Variants in BRINP3 observed in about 807,000 individuals in gnomAD.
BRINP3 encodes the protein BMP/retinoic acid inducible neural specific 3.
Under a neutral mutation model 71.0 loss-of-function variants are expected in BRINP3, and 19 were observed. That is an observed-to-expected ratio of 0.27 (90% CI 0.19 to 0.39). BRINP3 has a LOEUF of 0.39. Ranked by LOEUF, BRINP3 falls within the 10% of genes least tolerant of loss-of-function variation. BRINP3 has a pLI of 1.00. For synonymous variants in BRINP3, 380 were observed against 337.7 expected, an observed-to-expected ratio of 1.13 and a Z score of -1.37; for missense variants, 959 against 940.8, an observed-to-expected ratio of 1.02 and a Z score of -0.25.
chr1:190,351,069 G>T (rs1668354698), intron 2 of BRINP3, among the ~76,000 whole-genome samples: 1 of 152,166 alleles, frequency 6.6e-6, no homozygotes, highest in East Asian at 1.9e-4. Flanking sequence ...CTCCCAAAGT[G>T]CTGGGATTAC....
At position 190,317,736 on chromosome 1, in the gene BRINP3, TC is replaced by T. The variant is rs143784008; in HGVS notation, c.237-35987del. 8.8e-3 allele frequency among the ~76,000 whole-genome samples: 1,337 copies of T among 152,232 alleles called. 15 individuals carry two copies. Among genetic ancestry groups the T allele is most frequent in the African/African-American group, 0.03 (1,226 of 41,550 alleles). On this transcript the variant is annotated intron_variant, in intron 2 of 7. Transcript: ENST00000367462. ...CCCGTATTGTTTCCCCTGCTAGAAC[TC>T]CCTGTTAATTATTTTAGCCTGTTGA...
intron 2 of BRINP3, among the ~76,000 whole-genome samples, chr1:190,370,504 A>C (rs1669790141): frequency 6.6e-6 from 1 of 152,236 alleles, no homozygotes; most frequent in South Asian, 2.1e-4. Flanking sequence ...AAAAATATAT[A>C]ACAGTGGATT....
At chr1:190,159,890 G>T (rs906642204) in intron 7 of BRINP3, among the ~76,000 whole-genome samples, 3 of 151,600 alleles carry the variant, frequency 2.0e-5, no homozygotes, top group Non-Finnish European at 2.9e-5. Flanking sequence ...TAACCTTCAG[G>T]GTTTTTTTTC....
At chr1:190,383,704 G>A (rs934622455) in intron 2 of BRINP3, among the ~76,000 whole-genome samples, 8 of 151,910 alleles carry the variant, frequency 5.3e-5, no homozygotes, top group African/African-American at 1.9e-4. Context: ...ATTTTTCTTA[G>A]CATAGATAGT....
chr1:190,383,121 A>G (rs939754823), intron 2 of BRINP3, among the ~76,000 whole-genome samples: 5 of 152,028 alleles, frequency 3.3e-5, no homozygotes, highest in African/African-American at 1.2e-4. Flanking sequence ...TATTCAACTC[A>G]TTTTGATCAG....
chr1:190,261,203 GTTT>G (rs1661155952), intron 4 of BRINP3, among the ~76,000 whole-genome samples: 1 of 151,636 alleles, frequency 6.6e-6, no homozygotes, highest in Non-Finnish European at 1.5e-5. Context: ...TAGCATTAAC[GTTT>G]ATTAGACTAT....
chr1:190,264,654 AT>A (rs1661493053), intron 4 of BRINP3, among the ~76,000 whole-genome samples: 1 of 152,176 alleles, frequency 6.6e-6, no homozygotes, highest in African/African-American at 2.4e-5. Context: ...ACCATGAAAA[AT>A]CTTGACCTAC....
intron 6 of BRINP3, among the ~76,000 whole-genome samples, chr1:190,189,146 T>C (rs1331290709): frequency 2.6e-5 from 4 of 152,186 alleles, no homozygotes; most frequent in Admixed American, 6.6e-5. Context: ...ATAAGGATGA[T>C]GCTGGCCTTG....
chr1:190,143,386 A>G (rs1655620817), intron 7 of BRINP3, among the ~76,000 whole-genome samples: 1 of 152,200 alleles, frequency 6.6e-6, no homozygotes, highest in African/African-American at 2.4e-5. Context: ...TGCAAAGAGA[A>G]ACTAGCTCAC....
chr1:190,436,500 C>A (rs11588158), intron 2 of BRINP3, among the ~76,000 whole-genome samples: 1 of 151,360 alleles, frequency 6.6e-6, no homozygotes, highest in East Asian at 1.9e-4. Context: ...ATTATAAGAT[C>A]CAAAAAAAGA....
At chr1:190,212,793 T>G (rs76440022) in intron 6 of BRINP3, among the ~76,000 whole-genome samples, 1 of 152,108 alleles carries the variant, frequency 6.6e-6, no homozygotes, top group Admixed American at 6.6e-5. Context: ...GATAGTGATG[T>G]TTCCATCAGC....
intron 7 of BRINP3, among the ~76,000 whole-genome samples, chr1:190,117,468 A>AT: frequency 6.6e-6 from 1 of 152,076 alleles, no homozygotes; most frequent in African/African-American, 2.4e-5. Context: ...GGACCCAGGT[A>AT]TTTTTTAGCT....
chr1:190,177,153 T>C (rs1652596596), intron 6 of BRINP3, among the ~76,000 whole-genome samples: 2 of 108,130 alleles, frequency 1.8e-5, no homozygotes, highest in South Asian at 7.5e-4. Context: ...CCCACTTCTT[T>C]TTTTTTTTTT....
At chr1:190,255,268 G>T (rs1382556406) in intron 4 of BRINP3, among the ~76,000 whole-genome samples, 1 of 150,710 alleles carries the variant, frequency 6.6e-6, no homozygotes, top group African/African-American at 2.5e-5. Context: ...TCTCTGTCAG[G>T]CTTTGGTATC....
intron 7 of BRINP3, among the ~76,000 whole-genome samples, chr1:190,099,691 T>C (rs1010551068): frequency 3.9e-5 from 6 of 152,186 alleles, no homozygotes; most frequent in African/African-American, 1.4e-4. Context: ...ATTTAGATGC[T>C]AGGGTTGTCA....
At chr1:190,188,523 A>G (rs1305635949) in intron 6 of BRINP3, among the ~76,000 whole-genome samples, 2 of 152,150 alleles carry the variant, frequency 1.3e-5, no homozygotes, top group Non-Finnish European at 2.9e-5. Flanking sequence ...TTATTTCACT[A>G]AGGTAACTTC....
chr1:190,379,997 C>A (rs74424802), intron 2 of BRINP3, among the ~76,000 whole-genome samples: 555 of 100,640 alleles, frequency 5.5e-3, no homozygotes, highest in African/African-American at 7.4e-3. Flanking sequence ...GACTCCACCT[C>A]AAAAAAAAAA....
intron 5 of BRINP3, among the ~76,000 whole-genome samples, chr1:190,229,775 T>A (rs2102717828): frequency 6.6e-6 from 1 of 151,938 alleles, no homozygotes; most frequent in African/African-American, 2.4e-5. Flanking sequence ...TGAAACTAAA[T>A]CTTCTCTGAA....
At chr1:190,110,657 AGG>A (rs1652586086) in intron 7 of BRINP3, among the ~76,000 whole-genome samples, 1 of 152,184 alleles carries the variant, frequency 6.6e-6, no homozygotes, top group South Asian at 2.1e-4. Context: ...GACCTGAATC[AGG>A]ATATCTCAGG....
Sources: allele counts gnomAD v4.1 joint callset (sites outside exome capture counted in the v4.1 genomes callset), GRCh38; gene constraint gnomAD v4.1.1; transcripts MANE v1.5; gene names NCBI Gene and HGNC (gene_info 2026-07-23, HGNC 2026-07-21).